ZFYVE1: variants seen among roughly 807,000 people sequenced by gnomAD.
ZFYVE1 encodes the protein zinc finger FYVE-type containing 1.
A neutral mutation model predicts 74.4 loss-of-function variants in ZFYVE1; 30 were observed. The observed-to-expected ratio is 0.40, with a 90% CI of 0.30 to 0.55. ZFYVE1 has a LOEUF of 0.55. ZFYVE1 is among the 20% of genes least tolerant of loss of function. ZFYVE1 has a pLI of 0.42. For missense variants in ZFYVE1, 703 were observed against 1,011.6 expected (o/e 0.69, Z 4.14); for synonymous variants, 335 against 385.1 (o/e 0.87, Z 1.52).
At chr14:72,988,109 C>T (rs1392589035) in intron 4 of ZFYVE1, among the ~76,000 whole-genome samples, 1 of 152,090 alleles carries the variant, frequency 6.6e-6, no homozygotes, top group Non-Finnish European at 1.5e-5. Flanking sequence ...ACTTTGACTT[C>T]CTTTGAATCC....
At chr14:73,011,255 C>T (rs1894085698) in intron 2 of ZFYVE1, among the ~76,000 whole-genome samples, 1 of 151,372 alleles carries the variant, frequency 6.6e-6, no homozygotes, top group Non-Finnish European at 1.5e-5. Context: ...GAGGCCTAGG[C>T]GAGTAGATCA....
intron 4 of ZFYVE1, chr14:72,986,917 G>A: frequency 1.0e-6 from 1 of 985,338 alleles, no homozygotes; most frequent in Non-Finnish European, 1.2e-6. Flanking sequence ...AGTTTCTTGG[G>A]TTCTCCTCCT....
intron 3 of ZFYVE1, 32 bp from the exon 4 acceptor site, chr14:72,993,389 G>A (rs773187494): frequency 1.0e-5 from 15 of 1,489,550 alleles, no homozygotes; most frequent in East Asian, 4.6e-5. Flanking sequence ...CACATGGGTA[G>A]TGAGTGACAT....
chr14:72,997,391 C>A (rs1474602963), intron 3 of ZFYVE1, among the ~76,000 whole-genome samples: 1 of 151,928 alleles, frequency 6.6e-6, no homozygotes, highest in Non-Finnish European at 1.5e-5. Context: ...AGAGACATAG[C>A]CTCACTATGT....
intron 2 of ZFYVE1, among the ~76,000 whole-genome samples, chr14:73,017,957 T>C (rs1350894455): frequency 6.6e-6 from 1 of 152,222 alleles, no homozygotes; most frequent in East Asian, 1.9e-4. Flanking sequence ...CGGCCTCCCA[T>C]GCATTGGCAC....
intron 2 of ZFYVE1, among the ~76,000 whole-genome samples, chr14:73,009,570 C>T (rs1894046865): frequency 6.6e-6 from 1 of 152,194 alleles, no homozygotes; most frequent in Admixed American, 6.5e-5. Context: ...GCCTGACCAA[C>T]ATGGTGAAAC....
intron 3 of ZFYVE1, among the ~76,000 whole-genome samples, chr14:72,997,253 T>C (rs905740107): frequency 6.6e-6 from 1 of 152,192 alleles, no homozygotes; most frequent in Non-Finnish European, 1.5e-5. Flanking sequence ...TCTTAAATTT[T>C]AAAAAAGAAA....
At chr14:72,987,537 C>T (rs1420566369) in intron 4 of ZFYVE1, among the ~76,000 whole-genome samples, 1 of 152,034 alleles carries the variant, frequency 6.6e-6, no homozygotes, top group African/African-American at 2.4e-5. Flanking sequence ...CTAGGGGACA[C>T]AGAGCCAGAC....
At chr14:72,996,596 G>A (rs186551163) in intron 3 of ZFYVE1, among the ~76,000 whole-genome samples, 18 of 152,232 alleles carry the variant, frequency 1.2e-4, no homozygotes, top group African/African-American at 3.6e-4. Context: ...GTTCCTTGAA[G>A]CTACTAGGAG....
At chr14:72,986,184 T>C (rs1893474287) in intron 4 of ZFYVE1, among the ~76,000 whole-genome samples, 1 of 152,192 alleles carries the variant, frequency 6.6e-6, no homozygotes. Flanking sequence ...CAAGGCTTGG[T>C]GTGAAACAAT....
intron 4 of ZFYVE1, among the ~76,000 whole-genome samples, chr14:72,989,781 G>C (rs999907020): frequency 1.3e-5 from 2 of 151,128 alleles, no homozygotes; most frequent in African/African-American, 4.9e-5. Context: ...CTGGGCAACA[G>C]AGCAAGACCC....
At chr14:72,993,387 TAGTG>T in intron 3 of ZFYVE1, 30 bp from the exon 4 acceptor site, 1 of 1,539,996 alleles carries the variant, frequency 6.5e-7, no homozygotes, top group Non-Finnish European at 8.8e-7. Flanking sequence ...GGCACATGGG[TAGTG>T]AGTGACATTT....
intron 4 of ZFYVE1, among the ~76,000 whole-genome samples, chr14:72,992,208 T>A (rs1463201790): frequency 2.0e-5 from 3 of 152,070 alleles, no homozygotes; most frequent in Non-Finnish European, 4.4e-5. Context: ...CACGCCTGGC[T>A]GTAAATCTCC....
At chr14:72,981,569 C>T (rs1275177706) in intron 5 of ZFYVE1, among the ~76,000 whole-genome samples, 4 of 152,180 alleles carry the variant, frequency 2.6e-5, no homozygotes, top group African/African-American at 9.6e-5. Context: ...TTCTTCACCA[C>T]CATGTGTCCT....
At chr14:72,992,483 A>T (rs1429948131) in intron 4 of ZFYVE1, among the ~76,000 whole-genome samples, 1 of 152,194 alleles carries the variant, frequency 6.6e-6, no homozygotes, top group Non-Finnish European at 1.5e-5. Flanking sequence ...GAGTTGGTGT[A>T]AGGATTAAGT....
intron 2 of ZFYVE1, among the ~76,000 whole-genome samples, chr14:73,019,618 T>G (rs549023123): frequency 1.2e-4 from 18 of 152,290 alleles, no homozygotes; most frequent in African/African-American, 4.3e-4. Context: ...CATAAAGAAT[T>G]GGTGAGCTGG....
chr14:72,970,914 A>G lies in ZFYVE1; in HGVS notation c.2302T>C (p.Phe768Leu). 1 of 1,614,262 alleles carries G rather than the reference A, an allele frequency of 6.2e-7. No homozygotes were observed. The highest frequency in any genetic ancestry group is 8.5e-7 in the Non-Finnish European group (1 of 1,180,050). The change falls in exon 12 of 12, where the codon TTC (phenylalanine) becomes CTC (leucine). Residue 768 changes from phenylalanine (F) to leucine (L), a missense_variant. Physicochemically the swap from Phe to Leu is conservative, Grantham distance 22. This residue lies in a region of ZFYVE1 where 492 missense variants were observed against 790.0 expected (regional missense o/e 0.62). Coordinates refer to ENST00000556143, the MANE Select transcript of ZFYVE1 (RefSeq NM_021260.4). Reference sequence around the variant, plus strand: ...TCACCGGGCTTTTTATTGCAGTTGAAGCAGACTCGGACGGGATGGTCCCAG... The same window carrying G: ...TCACCGGGCTTTTTATTGCAGTTGAGGCAGACTCGGACGGGATGGTCCCAG... The part of the protein sequence containing the change: ...RGWDHPVRVC[F>L]NCNKKPGDL
chr14:72,997,670 C>A, intron 3 of ZFYVE1, 141 bp downstream of exon 3: 1 of 1,142,766 alleles, frequency 8.8e-7, no homozygotes, highest in Non-Finnish European at 1.2e-6. Context: ...TCACTCCATC[C>A]TCCTTGAAAC....
intron 4 of ZFYVE1, chr14:72,986,956 G>C (rs946397597): frequency 1.0e-6 from 1 of 985,250 alleles, no homozygotes; most frequent in Non-Finnish European, 1.2e-6. Flanking sequence ...GAAGAGAAAG[G>C]CAGGGAAGGG....
Sources: allele counts gnomAD v4.1 joint callset (sites outside exome capture counted in the v4.1 genomes callset), GRCh38; gene constraint gnomAD v4.1.1; regional missense constraint gnomAD v4.1.1; transcripts MANE v1.5; gene names NCBI Gene and HGNC (gene_info 2026-07-23, HGNC 2026-07-21).